The following MTMR9 variants were observed in gnomAD, a reference collection of about 807,000 sequenced individuals.
MTMR9 encodes the protein myotubularin-related protein 9.
A neutral mutation model predicts 69.5 loss-of-function variants in MTMR9; 39 were observed. That is an observed-to-expected ratio of 0.56 (90% CI 0.43 to 0.73). The LOEUF (loss-of-function observed/expected upper bound fraction) is 0.73. Among genes scored for constraint, MTMR9 ranks in the 30% least tolerant of loss-of-function variants. The probability of loss-of-function intolerance (pLI) is 0.00; values close to 1 mark genes in which losing one functional copy is unlikely to be tolerated. For synonymous variants in MTMR9, 354 were observed against 240.8 expected, an observed-to-expected ratio of 1.47 and a Z score of -4.35; for missense variants, 900 against 671.2, an observed-to-expected ratio of 1.34 and a Z score of -3.77.
At chr8:11,311,704 A>G (rs900186753) in intron 6 of MTMR9, among the ~76,000 whole-genome samples, 6 of 152,276 alleles carry the variant, frequency 3.9e-5, no homozygotes, top group Admixed American at 3.3e-4. Context: ...AATTTCTTAG[A>G]CAAGACAGCA....
At chr8:11,332,851 T>G (rs923818016), downstream of MTMR9, among the ~76,000 whole-genome samples, 3 of 152,302 alleles carry the variant, frequency 2.0e-5, no homozygotes, top group South Asian at 2.1e-4. Flanking sequence ...CCACCCGCCT[T>G]GGCCTCCCAA....
rs757495330 is a variant in MTMR9 at position 11,309,636 on chromosome 8, C to A, written c.919C>A (p.His307Asn). 10 of 1,613,988 alleles carry A rather than the reference C, an allele frequency of 6.2e-6. No homozygotes were observed. The highest frequency in any genetic ancestry group is 7.6e-6 in the Non-Finnish European group (9 of 1,179,882). ...ATTGGAGGCCTCTAACTGGCTGACT[C>A]ACATCAAAGAGATTCTGACAACTGC... ...SKLEASNWLT[H>N]IKEILTTACL... The change falls in exon 6 of 10, where the codon CAC becomes AAC. Residue 307 changes from histidine to asparagine, a missense_variant. By Grantham distance (68) the His-to-Asn change is moderately conservative. Coordinates refer to ENST00000221086, the MANE Select transcript of MTMR9 (RefSeq NM_015458.4).
chr8:11,338,459 T>G, the MTMR9 span, among the ~76,000 whole-genome samples: 1 of 151,952 alleles, frequency 6.6e-6, no homozygotes, highest in Non-Finnish European at 1.5e-5. Flanking sequence ...GTGTCAATGG[T>G]GAGGATAGAA....
downstream of MTMR9, chr8:11,331,876 G>T (rs756504769): frequency 6.2e-7 from 1 of 1,612,038 alleles, no homozygotes; most frequent in Admixed American, 1.7e-5. Flanking sequence ...AGTTGTGTGG[G>T]GGCAGAGGGG....
downstream of MTMR9, among the ~76,000 whole-genome samples, chr8:11,328,611 C>A (rs1359773187): frequency 6.6e-6 from 1 of 152,144 alleles, no homozygotes; most frequent in African/African-American, 2.4e-5. Context: ...CACTATTTGG[C>A]ATATTATTAC....
intron 5 of MTMR9, among the ~76,000 whole-genome samples, chr8:11,306,841 T>G (rs1799957469): frequency 6.6e-6 from 1 of 152,212 alleles, no homozygotes; most frequent in African/African-American, 2.4e-5. Flanking sequence ...GATCAACATG[T>G]CCCCATATCT....
chr8:11,285,344 C>A (rs1298834845), intron 1 of MTMR9: 2 of 344,238 alleles, frequency 5.8e-6, no homozygotes, highest in African/African-American at 4.2e-5. Context: ...GGTGGATTTT[C>A]GGCATTGTCT....
rs181339553 is a variant in MTMR9, at chr8:11,304,985, C to G, written c.562C>G (p.Leu188Val). The stretch of plus-strand genomic sequence containing the variant: ...TCGACATGGAGGGCGCTTCCCAGTA[C>G]TAAGCTATTACCACAAAAAAAATGG... ...TFRHGGRFPVLSYYHKKNGMV... is the reference protein window; with the variant it reads ...TFRHGGRFPVVSYYHKKNGMV... The change falls in exon 4 of 10, where the codon CTA (leucine) becomes GTA (valine). Residue 188 changes from leucine (L) to valine (V), a missense_variant. Coordinates refer to ENST00000221086, the MANE Select transcript of MTMR9 (RefSeq NM_015458.4). The G allele has an allele frequency of 1.2e-6, 2 of 1,614,022 alleles. No homozygotes were observed. The highest frequency in any genetic ancestry group is 1.1e-5 in the South Asian group (1 of 91,078).
intron 1 of MTMR9, among the ~76,000 whole-genome samples, chr8:11,291,581 A>G (rs960926471): frequency 5.9e-5 from 9 of 152,142 alleles, no homozygotes; most frequent in African/African-American, 2.2e-4. Context: ...GACTAGAAAC[A>G]TTGAATAAAT....
intron 3 of MTMR9, among the ~76,000 whole-genome samples, chr8:11,302,733 A>G (rs1192061875): frequency 2.6e-5 from 4 of 152,162 alleles, no homozygotes; most frequent in Non-Finnish European, 5.9e-5. Flanking sequence ...AATACAGGGT[A>G]TAGGGATTGA....
At chr8:11,295,642 T>G (rs184504130) in intron 2 of MTMR9, among the ~76,000 whole-genome samples, 1 of 152,336 alleles carries the variant, frequency 6.6e-6, no homozygotes, top group Admixed American at 6.5e-5. Context: ...GGGGAAACCA[T>G]TAGAAGATTT....
chr8:11,312,276 C>T (rs1800233435), intron 6 of MTMR9, among the ~76,000 whole-genome samples: 1 of 152,074 alleles, frequency 6.6e-6, no homozygotes, highest in Non-Finnish European at 1.5e-5. Flanking sequence ...TCTCAAATTC[C>T]TGAGCTCAAA....
Position 11,322,682 on chromosome 8 carries a change from T to C in MTMR9, c.1544T>C (p.Met515Thr), listed in dbSNP as rs561031954. ...TATTTGGATGAAGCATATGAAGAAATGGTTAACATCATTGAATATAATAAA... is the reference window on the plus strand; with the variant it reads ...TATTTGGATGAAGCATATGAAGAAACGGTTAACATCATTGAATATAATAAA... ...SKYLDEAYEE[M>T]VNIIEYNKEL... Residue 515 changes from methionine (M) to threonine (T), a missense_variant, in exon 10 of 10, where the codon ATG becomes ACG. By Grantham distance (81) the Met-to-Thr change is moderately conservative. Coordinates refer to ENST00000221086, the MANE Select transcript of MTMR9 (RefSeq NM_015458.4). 6.2e-7 allele frequency: 1 copy of C among 1,613,862 alleles called. No homozygotes were observed. Among genetic ancestry groups the C allele is most frequent in the South Asian group, 1.1e-5 (1 of 91,068 alleles).
intron 6 of MTMR9, 147 bp from the exon 7 acceptor site, chr8:11,314,776 G>A: frequency 1.6e-6 from 1 of 637,380 alleles, no homozygotes; most frequent in South Asian, 2.5e-5. Flanking sequence ...AACTCTACAA[G>A]TCAGAGCAGA....
chr8:11,293,700 G>C (rs1346089390), intron 1 of MTMR9, among the ~76,000 whole-genome samples: 1 of 151,368 alleles, frequency 6.6e-6, no homozygotes, highest in Admixed American at 6.6e-5. Flanking sequence ...TTTACATTTA[G>C]GTAAAAGGTC....
chr8:11,310,476 A>C (rs757497956), intron 6 of MTMR9, among the ~76,000 whole-genome samples: 1 of 152,146 alleles, frequency 6.6e-6, no homozygotes, highest in Non-Finnish European at 1.5e-5. Flanking sequence ...CTAATTTGTT[A>C]TGGTTATAGA....
chr8:11,309,301 G>T (rs898283808), intron 5 of MTMR9, among the ~76,000 whole-genome samples: 1 of 152,176 alleles, frequency 6.6e-6, no homozygotes, highest in Admixed American at 6.5e-5. Flanking sequence ...GGTTTAATCT[G>T]TTCAGGTAAG....
intron 1 of MTMR9, among the ~76,000 whole-genome samples, chr8:11,292,863 A>G (rs904285172): frequency 1.3e-5 from 2 of 152,230 alleles, no homozygotes; most frequent in African/African-American, 4.8e-5. Context: ...CTGGGCTGCC[A>G]GTTACACAAC....
rs144520525 is a variant in MTMR9, at chr8:11,309,902, T to A, written c.971+214T>A. On this transcript the variant is annotated intron_variant, in intron 6 of 9. Coordinates refer to ENST00000221086, the MANE Select transcript of MTMR9 (RefSeq NM_015458.4). ...TAAATATGAACCAGGTAAATATACA[T>A]GTCTTCTATGACACAAATTTTTAAG... 3.9e-3 allele frequency among the ~76,000 whole-genome samples: 601 copies of A among 152,300 alleles called. 6 individuals carry two copies. The highest frequency in any genetic ancestry group is 0.013 in the African/African-American group (542 of 41,572).
Sources: allele counts gnomAD v4.1 joint callset (sites outside exome capture counted in the v4.1 genomes callset), GRCh38; gene constraint gnomAD v4.1.1; transcripts MANE v1.5; gene names NCBI Gene and HGNC (gene_info 2026-07-23, HGNC 2026-07-21).